ARHGEF6: variants seen among roughly 807,000 people sequenced by gnomAD.
ARHGEF6 encodes the protein Rac/Cdc42 guanine nucleotide exchange factor 6, also known as rho guanine nucleotide exchange factor 6.
A neutral mutation model predicts 70.3 loss-of-function variants in ARHGEF6; 9 were observed. The ratio of observed to expected loss-of-function variants is 0.13; its 90% confidence interval spans 0.08 to 0.22. The LOEUF is 0.22. Among genes scored for constraint, ARHGEF6 ranks in the 10% least tolerant of loss-of-function variants. The pLI is 1.00. For missense variants in ARHGEF6, 470 were observed against 563.0 expected (o/e 0.83, Z 1.67); for synonymous variants, 201 against 207.8 (o/e 0.97, Z 0.28).
chrX:136,711,659 T>C (rs2076686119), intron 7 of ARHGEF6, among the ~76,000 whole-genome samples: 1 of 110,393 alleles, frequency 9.1e-6, no homozygotes, highest in Non-Finnish European at 1.9e-5. Context: ...GCCTACCGAG[T>C]TCAAGCGATT....
intron 19 of ARHGEF6, 120 bp downstream of exon 19, chrX:136,674,887 C>A: frequency 3.2e-6 from 2 of 630,877 alleles, no homozygotes; most frequent in Admixed American, 5.3e-5. Flanking sequence ...TCCTCTGCAC[C>A]AAGTCACCTG....
intron 2 of ARHGEF6, among the ~76,000 whole-genome samples, chrX:136,759,711 C>G (rs778754598): frequency 1.8e-5 from 2 of 110,646 alleles, no homozygotes; most frequent in Non-Finnish European, 3.8e-5. Flanking sequence ...GAGGGTGAGA[C>G]AAGTCCTTAA....
At chrX:136,710,354 G>T (rs866370419) in intron 7 of ARHGEF6, among the ~76,000 whole-genome samples, 28 of 74,891 alleles carry the variant, frequency 3.7e-4, no homozygotes, top group Admixed American at 2.5e-3. Context: ...TATATATATA[G>T]AATACCAGGG....
intron 2 of ARHGEF6, among the ~76,000 whole-genome samples, chrX:136,777,787 C>CACACACACACACA (rs767698755): frequency 1.8e-5 from 2 of 109,244 alleles, no homozygotes; most frequent in Admixed American, 9.8e-5. Flanking sequence ...CACACACACA[C>CACACACACACACA]CATGGAATAC....
At chrX:136,670,055 G>A (rs1041295962) in intron 20 of ARHGEF6, among the ~76,000 whole-genome samples, 17 of 111,052 alleles carry the variant, frequency 1.5e-4, no homozygotes, top group South Asian at 3.9e-4. Flanking sequence ...TCCCTCCCTC[G>A]GTATCCATGG....
At chrX:136,732,616 G>A (rs5975785) in intron 5 of ARHGEF6, among the ~76,000 whole-genome samples, 1,354 of 112,219 alleles carry the variant, frequency 0.012, 22 homozygotes, top group African/African-American at 0.042. Context: ...ACTTTATTTT[G>A]ATATTTTCCT....
At chrX:136,759,677 T>G (rs914583062) in intron 2 of ARHGEF6, among the ~76,000 whole-genome samples, 2 of 109,487 alleles carry the variant, frequency 1.8e-5, no homozygotes, top group African/African-American at 6.7e-5. Flanking sequence ...TTCCAAGAAG[T>G]AGGGAAACAT....
At chrX:136,767,478 A>T (rs1440408700) in intron 2 of ARHGEF6, 1 of 753,783 alleles carries the variant, frequency 1.3e-6, no homozygotes, top group African/African-American at 2.3e-5. Context: ...ATTGTTTTTT[A>T]ATCTAAAGGG....
intron 5 of ARHGEF6, among the ~76,000 whole-genome samples, chrX:136,736,436 T>A (rs1280751595): frequency 9.0e-6 from 1 of 111,557 alleles, no homozygotes; most frequent in Non-Finnish European, 1.9e-5. Flanking sequence ...AAAAAACATA[T>A]TTTTGGTCAA....
intron 6 of ARHGEF6, among the ~76,000 whole-genome samples, chrX:136,730,846 A>G (rs1300747421): frequency 1.2e-4 from 13 of 111,660 alleles, no homozygotes; most frequent in Non-Finnish European, 1.9e-4. Flanking sequence ...TCTGCCTTGG[A>G]TAATCCCAAC....
intron 2 of ARHGEF6, among the ~76,000 whole-genome samples, chrX:136,775,888 C>T (rs1466949796): frequency 9.0e-6 from 1 of 111,620 alleles, no homozygotes; most frequent in Non-Finnish European, 1.9e-5. Flanking sequence ...CACTACTATA[C>T]ACCAACAGCA....
chrX:136,679,724 TGA>T, intron 15 of ARHGEF6, 64 bp from the exon 16 acceptor site: 1 of 1,174,957 alleles, frequency 8.5e-7, no homozygotes, highest in South Asian at 1.8e-5. Flanking sequence ...TGCCACACAG[TGA>T]GAGAACAACA....
At chrX:136,701,826 G>C (rs1338872403) in intron 9 of ARHGEF6, among the ~76,000 whole-genome samples, 1 of 103,339 alleles carries the variant, frequency 9.7e-6, no homozygotes, top group African/African-American at 3.6e-5. Context: ...TCCTGCCTCA[G>C]CCTCCCTAGT....
chrX:136,730,278 T>G (rs925211821), intron 6 of ARHGEF6, among the ~76,000 whole-genome samples: 1 of 111,499 alleles, frequency 9.0e-6, no homozygotes, highest in African/African-American at 3.3e-5. Flanking sequence ...TTTACAAGTC[T>G]ACAAATCCTG....
chrX:136,710,330 C>CATATATATATATATATATATAT (rs59532724), intron 7 of ARHGEF6, among the ~76,000 whole-genome samples: 3 of 87,554 alleles, frequency 3.4e-5, no homozygotes, highest in East Asian at 7.9e-4. Flanking sequence ...ATATATTATA[C>CATATATATATATATATATATAT]ATATATATAT....
At chrX:136,752,019 G>T (rs760485198) in intron 2 of ARHGEF6, among the ~76,000 whole-genome samples, 3 of 111,469 alleles carry the variant, frequency 2.7e-5, no homozygotes, top group Non-Finnish European at 5.7e-5. Context: ...ACAAGAAAAT[G>T]CTCTGAGGGG....
chrX:136,674,753 T>G (rs1361440879), intron 19 of ARHGEF6, among the ~76,000 whole-genome samples: 1 of 111,741 alleles, frequency 8.9e-6, no homozygotes, highest in Non-Finnish European at 1.9e-5. Context: ...AAAAAAATTT[T>G]CACTTCTATC....
Position 136,679,636 on chromosome X carries a change from G to A in ARHGEF6, c.1729C>T (p.Arg577Ter). The A allele has an allele frequency of 8.3e-7, 1 of 1,211,366 alleles. No homozygotes were observed. The highest frequency in any genetic ancestry group is 1.1e-6 in the Non-Finnish European group (1 of 895,102). Residue 577 changes from arginine to a stop codon, truncating the protein, a stop_gained, in exon 16 of 22, where the codon CGA becomes TGA. Transcript: ENST00000250617. LOFTEE classifies it high-confidence loss of function. ...HSSFSSTGQPRGPLEPPQIIK... is the reference protein window; with the variant it reads ...HSSFSSTGQP ...ATTTGAGGAGGCTCCAAGGGTCCTC[G>A]GGGCTGTCCGGTAGAGCTAAAAGAC...
intron 12 of ARHGEF6, among the ~76,000 whole-genome samples, chrX:136,684,500 A>C (rs960163929): frequency 1.8e-4 from 20 of 111,243 alleles, no homozygotes; most frequent in Non-Finnish European, 1.9e-5. Context: ...TGCCATAATC[A>C]ACCTTTCTCC....
Sources: gnomAD v4.1 joint callset for allele counts (sites outside exome capture counted in the v4.1 genomes callset) on GRCh38, gnomAD v4.1.1 for gene constraint, MANE v1.5 for transcripts, NCBI Gene and HGNC (gene_info 2026-07-23, HGNC 2026-07-21) for gene names.